Variants in CPNE4 observed in about 807,000 individuals in gnomAD.
The protein encoded by CPNE4 is copine-4.
In CPNE4, 25 loss-of-function variants were observed where a neutral mutation model predicts 67.9. That is an observed-to-expected ratio of 0.37 (90% CI 0.27 to 0.51). CPNE4 has a LOEUF of 0.51. Among genes scored for constraint, CPNE4 ranks in the 20% least tolerant of loss-of-function variants. CPNE4 has a pLI of 0.93. For missense variants in CPNE4, 464 were observed against 690.8 expected, an observed-to-expected ratio of 0.67 and a Z score of 3.68; for synonymous variants, 242 against 244.9, an observed-to-expected ratio of 0.99 and a Z score of 0.11.
intron 2 of CPNE4, among the ~76,000 whole-genome samples, chr3:131,809,280 G>A (rs1297844828): frequency 6.6e-6 from 1 of 152,044 alleles, no homozygotes; most frequent in Non-Finnish European, 1.5e-5. Flanking sequence ...TGAGGCAATA[G>A]AGTTATAAAC....
chr3:131,677,098 T>C (rs761772476), intron 6 of CPNE4, among the ~76,000 whole-genome samples: 6 of 152,060 alleles, frequency 3.9e-5, no homozygotes, highest in Non-Finnish European at 5.9e-5. Context: ...TGGTATCTCA[T>C]TGTGGTTTTA....
At chr3:131,568,766 A>G (rs1313833190) in intron 10 of CPNE4, among the ~76,000 whole-genome samples, 2 of 152,000 alleles carry the variant, frequency 1.3e-5, no homozygotes, top group Non-Finnish European at 2.9e-5. Context: ...TTCTTTGGGC[A>G]TTTTTAGATT....
chr3:131,663,812 G>T (rs771598995), intron 7 of CPNE4, among the ~76,000 whole-genome samples: 2 of 152,140 alleles, frequency 1.3e-5, no homozygotes, highest in Non-Finnish European at 2.9e-5. Flanking sequence ...TTGTATTTGG[G>T]CCTCCTTTCA....
At chr3:131,994,988 C>A (rs766504770) in intron 1 of CPNE4, among the ~76,000 whole-genome samples, 10 of 152,124 alleles carry the variant, frequency 6.6e-5, no homozygotes, top group Non-Finnish European at 1.5e-4. Context: ...TTGACTCCTA[C>A]CTCTAGGAGG....
intron 1 of CPNE4, among the ~76,000 whole-genome samples, chr3:131,916,709 A>G (rs1560596396): frequency 6.6e-6 from 1 of 152,206 alleles, no homozygotes; most frequent in Non-Finnish European, 1.5e-5. Context: ...GTGATGGACA[A>G]TACAGCGGCT....
intron 2 of CPNE4, among the ~76,000 whole-genome samples, chr3:131,749,356 T>C (rs1560234522): frequency 6.6e-6 from 1 of 152,206 alleles, no homozygotes; most frequent in Non-Finnish European, 1.5e-5. Context: ...TGTAGATGTT[T>C]GCCTTGAGGC....
intron 2 of CPNE4, among the ~76,000 whole-genome samples, chr3:131,831,776 C>T (rs967760273): frequency 1.3e-4 from 20 of 152,204 alleles, no homozygotes; most frequent in Middle Eastern, 3.4e-3. Context: ...GTGGTTAGTG[C>T]GGACTTTGTC....
chr3:131,840,628 A>C (rs970050279), intron 2 of CPNE4, among the ~76,000 whole-genome samples: 1 of 152,296 alleles, frequency 6.6e-6, no homozygotes. Flanking sequence ...CCCTTTGAGG[A>C]GTCCTTTATG....
intron 14 of CPNE4, among the ~76,000 whole-genome samples, chr3:131,543,544 GACTTATTAT>G (rs1186372157): frequency 2.6e-5 from 4 of 152,054 alleles, no homozygotes; most frequent in Non-Finnish European, 2.9e-5. Context: ...GGATTTTGAA[GACTTATTAT>G]ACAAAATAGA....
intron 2 of CPNE4, among the ~76,000 whole-genome samples, chr3:131,897,661 C>T (rs890737141): frequency 7.9e-5 from 12 of 151,946 alleles, no homozygotes; most frequent in African/African-American, 2.7e-4. Flanking sequence ...TTTGGGAGGC[C>T]AAGGCAGGAG....
At chr3:131,812,326 G>C (rs2084565899) in intron 2 of CPNE4, among the ~76,000 whole-genome samples, 1 of 151,944 alleles carries the variant, frequency 6.6e-6, no homozygotes, top group Non-Finnish European at 1.5e-5. Flanking sequence ...TGAACTTGGA[G>C]AGTGGAGGGC....
At chr3:131,795,793 C>T (rs2083902918) in intron 2 of CPNE4, among the ~76,000 whole-genome samples, 1 of 152,136 alleles carries the variant, frequency 6.6e-6, no homozygotes, top group Non-Finnish European at 1.5e-5. Context: ...GTGTGTTTCT[C>T]CTTTTAAAAA....
rs373673456 is a variant in CPNE4 at position 131,855,885 on chromosome 3, T to C, written c.180+49379A>G. 7.2e-5 allele frequency among the ~76,000 whole-genome samples: 11 copies of C among 152,108 alleles called. No homozygotes were observed. The East Asian group carries it at 1.7e-3, about 24-fold the overall frequency. ...CCTGATTCTTTCTAATAAACAAATA[T>C]TGAGTTAATATAAAATAAAATTTAT... On this transcript the variant is annotated intron_variant, in intron 2 of 15. Coordinates refer to ENST00000429747, the MANE Select transcript of CPNE4 (RefSeq NM_130808.3).
chr3:132,036,044 AC>A (rs1286308075), upstream of CPNE4, among the ~76,000 whole-genome samples: 1 of 151,734 alleles, frequency 6.6e-6, no homozygotes, highest in Non-Finnish European at 1.5e-5. Context: ...AAGGAGGAAG[AC>A]CCCCTCTTAA....
chr3:131,872,787 C>T (rs1385245015), intron 2 of CPNE4, among the ~76,000 whole-genome samples: 4 of 152,158 alleles, frequency 2.6e-5, no homozygotes, highest in African/African-American at 9.7e-5. Context: ...TATGAAAAGG[C>T]CATGTCAAGA....
At chr3:131,853,997 G>T (rs35635071) in intron 2 of CPNE4, among the ~76,000 whole-genome samples, 48,669 of 151,556 alleles carry the variant, frequency 0.32, 8,319 homozygotes, top group African/African-American at 0.42. Flanking sequence ...AGTTAAATAT[G>T]CATTTACTAT....
intron 14 of CPNE4, among the ~76,000 whole-genome samples, chr3:131,549,289 C>T (rs1218908753): frequency 6.6e-6 from 1 of 151,940 alleles, no homozygotes; most frequent in Admixed American, 6.6e-5. Context: ...GATAAAATTA[C>T]AGAGCAAACT....
intron 3 of CPNE4, among the ~76,000 whole-genome samples, chr3:131,710,778 G>A (rs2081538377): frequency 6.6e-6 from 1 of 152,130 alleles, no homozygotes; most frequent in African/African-American, 2.4e-5. Context: ...GGAAGACCTG[G>A]GGCATTCATA....
intron 4 of CPNE4, among the ~76,000 whole-genome samples, chr3:131,697,599 T>C (rs766488815): frequency 6.6e-6 from 1 of 152,204 alleles, no homozygotes; most frequent in Admixed American, 6.5e-5. Flanking sequence ...TTAAGACAGA[T>C]AGACCCAAAA....
Sources: allele counts gnomAD v4.1 joint callset (sites outside exome capture counted in the v4.1 genomes callset), GRCh38; gene constraint gnomAD v4.1.1; transcripts MANE v1.5; gene names NCBI Gene and HGNC (gene_info 2026-07-23, HGNC 2026-07-21).